Variants in PPP2R2C observed in about 807,000 individuals in gnomAD.
PPP2R2C encodes the protein protein phosphatase 2 regulatory subunit Bgamma, also known as protein phosphatase 2, regulatory subunit B, gamma.
PPP2R2C carries 10 observed loss-of-function variants against 45.3 expected under a neutral mutation model. The observed-to-expected ratio is 0.22, with a 90% confidence interval of 0.14 to 0.37. The LOEUF is 0.37. Among genes scored for constraint, PPP2R2C ranks in the 10% least tolerant of loss-of-function variants. PPP2R2C has a pLI of 1.00. For missense variants in PPP2R2C, 308 were observed against 619.7 expected (o/e 0.50, Z 5.34); for synonymous variants, 257 against 245.4 (o/e 1.05, Z -0.44).
At chr4:6,544,620 A>G (rs1724915690) in intron 1 of PPP2R2C, among the ~76,000 whole-genome samples, 1 of 152,188 alleles carries the variant, frequency 6.6e-6, no homozygotes, top group African/African-American at 2.4e-5. Context: ...TACAAGAATA[A>G]GCCAGCACAC....
At chr4:6,458,628 C>T (rs59067139) in intron 1 of PPP2R2C, among the ~76,000 whole-genome samples, 12 of 152,328 alleles carry the variant, frequency 7.9e-5, no homozygotes, top group Non-Finnish European at 1.6e-4. Flanking sequence ...GGAGGCAGCA[C>T]AACTACATGC....
At chr4:6,555,349 A>G (rs559395201) in intron 1 of PPP2R2C, among the ~76,000 whole-genome samples, 1 of 152,060 alleles carries the variant, frequency 6.6e-6, no homozygotes, top group South Asian at 2.1e-4. Flanking sequence ...TTCATAACAC[A>G]CCCTTTCATT....
At chr4:6,415,708 G>A (rs1577164012) in intron 1 of PPP2R2C, among the ~76,000 whole-genome samples, 1 of 152,200 alleles carries the variant, frequency 6.6e-6, no homozygotes, top group African/African-American at 2.4e-5. Flanking sequence ...GCAGTGAGGG[G>A]CTTTGAAGAG....
rs1721604192 is a variant in PPP2R2C at position 6,466,540 on chromosome 4, A to T, written c.70+5620T>A. Among the ~76,000 whole-genome samples the T allele has an allele frequency of 2.0e-5, 3 of 152,160 alleles. No individual in the cohort carries two copies. In the South Asian group the frequency reaches 6.2e-4, roughly 32 times the overall value. On this transcript the variant is annotated intron_variant, in intron 1 of 8. Coordinates refer to ENST00000382599, the MANE Select transcript of PPP2R2C (RefSeq NM_020416.4). ...TCATTAAAAACAGACATGGGCATTA[A>T]AAAAAGACTGGAAGGAAATACCCCA...
intron 1 of PPP2R2C, among the ~76,000 whole-genome samples, chr4:6,427,968 G>A (rs1202092617): frequency 6.6e-6 from 1 of 152,186 alleles, no homozygotes; most frequent in Non-Finnish European, 1.5e-5. Context: ...TGTTATTCCT[G>A]TTTTGTCAAT....
intron 1 of PPP2R2C, 156 bp from the exon 2 acceptor site, chr4:6,381,250 G>A (rs1019233981): frequency 6.5e-7 from 1 of 1,534,616 alleles, no homozygotes; most frequent in Admixed American, 2.0e-5. Context: ...AGGAGCATCG[G>A]CGAGGGGCCA....
chr4:6,403,308 G>C (rs1474951877), intron 1 of PPP2R2C, among the ~76,000 whole-genome samples: 1 of 152,212 alleles, frequency 6.6e-6, no homozygotes, highest in Admixed American at 6.5e-5. Context: ...GGAGCGGAGC[G>C]GAGCCCCTTA....
intron 2 of PPP2R2C, among the ~76,000 whole-genome samples, chr4:6,518,677 CT>C (rs1723907771): frequency 6.6e-6 from 1 of 152,056 alleles, no homozygotes; most frequent in African/African-American, 2.4e-5. Context: ...AATCCCAGCA[CT>C]TTGGGAGGCC....
intron 2 of PPP2R2C, among the ~76,000 whole-genome samples, chr4:6,485,697 G>T (rs1722506987): frequency 6.6e-6 from 1 of 151,734 alleles, no homozygotes; most frequent in Non-Finnish European, 1.5e-5. Context: ...TTTAATGACT[G>T]CTGAATATAT....
intron 6 of PPP2R2C, among the ~76,000 whole-genome samples, chr4:6,339,119 C>T (rs1733239125): frequency 6.6e-6 from 1 of 152,262 alleles, no homozygotes; most frequent in Non-Finnish European, 1.5e-5. Flanking sequence ...GGCTCACACC[C>T]TGCTTTCTGT....
At chr4:6,336,722 TCCCTCCTTCCCTCCCTCCCTCCC>T (rs1732926600) in intron 6 of PPP2R2C, among the ~76,000 whole-genome samples, 2 of 33,310 alleles carry the variant, frequency 6.0e-5, no homozygotes, top group African/African-American at 4.5e-4. Flanking sequence ...CCTCCCTCCC[TCCCTCCTTCCCTCCCTCCCTCCC>T]TCCCTCCCTC....
At chr4:6,370,025 G>A (rs901919658) in intron 5 of PPP2R2C, among the ~76,000 whole-genome samples, 8 of 152,154 alleles carry the variant, frequency 5.3e-5, no homozygotes, top group Non-Finnish European at 7.4e-5. Flanking sequence ...ATAGTGTCAC[G>A]GAATCCTCAC....
In PPP2R2C at chr4:6,326,023, CG is replaced by C. The variant is rs562668686; in HGVS notation, c.1053-2431del. 4.1e-4 allele frequency among the ~76,000 whole-genome samples: 63 copies of C among 152,338 alleles called. No individual in the cohort carries two copies. In the East Asian group the frequency reaches 0.012, roughly 28 times the overall value. On this transcript the variant is annotated intron_variant, in intron 8 of 8. Coordinates refer to ENST00000382599, the MANE Select transcript of PPP2R2C (RefSeq NM_020416.4). ...CCACTGCACTCCCTATCCCTGTGAGCGGTCAATCACAGTGCTCTCCTCGCCC... is the reference window on the plus strand; with the variant it reads ...CCACTGCACTCCCTATCCCTGTGAGCGTCAATCACAGTGCTCTCCTCGCCC...
chr4:6,333,664 G>A lies in PPP2R2C; in HGVS notation c.858C>T (p.Asp286=), dbSNP rs372205984. 256 of 1,614,100 alleles carry A rather than the reference G, an allele frequency of 1.6e-4. No homozygotes were observed. Among genetic ancestry groups the A allele is most frequent in the Admixed American group, 7.0e-4 (42 of 60,018 alleles). Residue 286 remains aspartate, a synonymous_variant, in exon 7 of 9, where the codon GAC becomes GAT. Transcript: ENST00000382599. ...FFSEIISSVS[D]VKFSHSGRYM... ...AGCGGCCGCTGTGGCTGAACTTCACGTCGGACACGGAGGAGATGATTTCCG... is the reference window on the plus strand; with the variant it reads ...AGCGGCCGCTGTGGCTGAACTTCACATCGGACACGGAGGAGATGATTTCCG...
intron 8 of PPP2R2C, among the ~76,000 whole-genome samples, chr4:6,326,389 T>G (rs1227820276): frequency 6.6e-6 from 1 of 152,090 alleles, no homozygotes; most frequent in Non-Finnish European, 1.5e-5. Flanking sequence ...AGTGTAGGTG[T>G]GTTTGACTCC....
In PPP2R2C at chr4:6,330,025, A is replaced by G. The variant is rs1384396545; in HGVS notation, c.961-672T>C. On this transcript the variant is annotated intron_variant, in intron 7 of 8. Coordinates refer to ENST00000382599, the MANE Select transcript of PPP2R2C (RefSeq NM_020416.4). The surrounding 1 kb of genome is among the most constrained non-coding windows in gnomAD (Gnocchi z 7.0). ...GGGAACCCACAGAGGTTTCTCATCC[A>G]TCCACAGCACGAGGCACTGAGGCTC... is the stretch of plus-strand genomic sequence containing the variant. 6.6e-6 allele frequency among the ~76,000 whole-genome samples: 1 copy of G among 152,096 alleles called. No homozygotes were observed. The highest frequency in any genetic ancestry group is 1.5e-5 in the Non-Finnish European group (1 of 68,008).
intron 1 of PPP2R2C, among the ~76,000 whole-genome samples, chr4:6,431,038 G>A (rs1005292556): frequency 2.6e-5 from 4 of 152,284 alleles, no homozygotes; most frequent in South Asian, 4.1e-4. Context: ...TGCCTCTTCC[G>A]GCAGCCCACT....
intron 7 of PPP2R2C, among the ~76,000 whole-genome samples, chr4:6,333,205 C>CGA (rs1560448701): frequency 6.6e-6 from 1 of 152,136 alleles, no homozygotes; most frequent in Non-Finnish European, 1.5e-5. Flanking sequence ...GGTACAGCTC[C>CGA]GATGCAGGCT....
At chr4:6,540,134 TCA>T (rs779036872) in intron 1 of PPP2R2C, among the ~76,000 whole-genome samples, 1 of 152,216 alleles carries the variant, frequency 6.6e-6, no homozygotes, top group Non-Finnish European at 1.5e-5. Context: ...TTTAGTGTAT[TCA>T]CAGAGCTGTG....
Sources: allele counts gnomAD v4.1 joint callset (sites outside exome capture counted in the v4.1 genomes callset), GRCh38; gene constraint gnomAD v4.1.1; non-coding constraint Gnocchi (gnomAD v3.1); transcripts MANE v1.5; gene names NCBI Gene and HGNC (gene_info 2026-07-23, HGNC 2026-07-21).